SLC26A5: variants seen among roughly 807,000 people sequenced by gnomAD.
The protein encoded by SLC26A5 is prestin.
SLC26A5 carries 51 observed loss-of-function variants against 81.0 expected under a neutral mutation model. The ratio of observed to expected loss-of-function variants is 0.63; its 90% CI spans 0.50 to 0.80. The LOEUF (loss-of-function observed/expected upper bound fraction) is 0.80. Among genes scored for constraint, SLC26A5 ranks in the 30% least tolerant of loss-of-function variants. The pLI, the probability that SLC26A5 is intolerant of heterozygous loss-of-function variation, is 0.00. For missense variants in SLC26A5, 771 were observed against 905.8 expected (o/e 0.85, Z 1.91); for synonymous variants, 325 against 332.8 (o/e 0.98, Z 0.25).
chr7:103,422,857 A>G (rs1431307931), intron 2 of SLC26A5, among the ~76,000 whole-genome samples: 3 of 152,184 alleles, frequency 2.0e-5, no homozygotes, highest in African/African-American at 7.2e-5. Flanking sequence ...ACATGAATGC[A>G]TGGTTAAGTG....
chr7:103,361,128 GA>G (rs367989398), intron 19 of SLC26A5, among the ~76,000 whole-genome samples: 6 of 144,544 alleles, frequency 4.2e-5, no homozygotes, highest in Non-Finnish European at 6.1e-5. Context: ...AAAAGAAAAA[GA>G]AAAAAAAACA....
At chr7:103,378,353 C>T in intron 17 of SLC26A5, 93 bp downstream of exon 17, 1 of 1,258,348 alleles carries the variant, frequency 7.9e-7, no homozygotes, top group Non-Finnish European at 1.2e-6. Context: ...CTTTTAGTAA[C>T]TTCGTGCTGT....
At chr7:103,398,962 G>A (rs1823367534) in intron 8 of SLC26A5, among the ~76,000 whole-genome samples, 2 of 152,056 alleles carry the variant, frequency 1.3e-5, no homozygotes, top group African/African-American at 4.8e-5. Context: ...AGTGCCTAGA[G>A]TATTCAAATC....
Position 103,380,511 on chromosome 7 carries a change from T to C in SLC26A5, c.1553A>G (p.Asp518Gly), listed in dbSNP as rs1406025318. 6.2e-7 allele frequency: 1 copy of C among 1,613,640 alleles called. No individual in the cohort carries two copies. Among genetic ancestry groups the C allele is most frequent in the African/African-American group, 1.3e-5 (1 of 74,868 alleles). ...YKVLGKLPETDVYIDIDAYEE... is the reference protein window; with the variant it reads ...YKVLGKLPETGVYIDIDAYEE... ...ATATGCGTCTATATCAATATACACA[T>C]CAGTTTCAGGAAGCTTTCCAAGGAC... is the stretch of plus-strand genomic sequence containing the variant. The change falls in exon 15 of 20, where the codon GAT becomes GGT. Residue 518 changes from aspartate to glycine, a missense_variant. By Grantham distance (94) the Asp-to-Gly change is moderately conservative. Coordinates refer to ENST00000306312, the MANE Select transcript of SLC26A5 (RefSeq NM_198999.3).
At chr7:103,362,646 T>G (rs1563493201) in intron 19 of SLC26A5, 1 of 1,546,600 alleles carries the variant, frequency 6.5e-7, no homozygotes, top group South Asian at 1.1e-5. Context: ...CTTTGAAAGC[T>G]TAAAGAATGT....
intron 19 of SLC26A5, chr7:103,365,949 A>C: frequency 1.4e-6 from 1 of 735,768 alleles, no homozygotes; most frequent in Non-Finnish European, 2.2e-6. Flanking sequence ...AAAATAAAAA[A>C]CGTTTAGGTA....
Position 103,374,235 on chromosome 7 carries a change from A to C in SLC26A5, c.*164T>G. ...ATCTTTGAAGTATTCAATTAAAAAA[A>C]CACAAGTACAATACATCTTGCTAGG... On this transcript the variant is annotated 3_prime_UTR_variant, in exon 20 of 20. Transcript: ENST00000306312. 1 of 1,414,882 alleles carries C rather than the reference A, an allele frequency of 7.1e-7. No homozygotes were observed. The highest frequency in any genetic ancestry group is 9.2e-7 in the Non-Finnish European group (1 of 1,089,196). The allele number at this position is 1,414,882 out of a possible 1,614,324, so 87.6% of individuals were successfully genotyped here.
intron 2 of SLC26A5, among the ~76,000 whole-genome samples, chr7:103,436,488 T>C (rs551542511): frequency 1.3e-5 from 2 of 152,132 alleles, no homozygotes; most frequent in African/African-American, 2.4e-5. Context: ...CCACTGATAG[T>C]TGAAACCCAA....
intron 8 of SLC26A5, among the ~76,000 whole-genome samples, chr7:103,404,653 T>C (rs1219274454): frequency 6.6e-6 from 1 of 152,182 alleles, no homozygotes; most frequent in Non-Finnish European, 1.5e-5. Flanking sequence ...CTGATGATTA[T>C]GTGTCTTGGG....
At chr7:103,385,177 G>T (rs1185887969) in intron 14 of SLC26A5, among the ~76,000 whole-genome samples, 2 of 151,968 alleles carry the variant, frequency 1.3e-5, no homozygotes, top group African/African-American at 2.4e-5. Context: ...TGTTGTTGTT[G>T]TTGAGACAGA....
At position 103,426,302 on chromosome 7, in the gene SLC26A5, C is replaced by A. The variant is rs542824609; in HGVS notation, c.-53-4735G>T. ...GAGCAAATCTCAAACAAATTTAGAT[C>A]TCAAAACATAAGATGGATTTTCTAA... On this transcript the variant is annotated intron_variant, in intron 2 of 19. Transcript: ENST00000306312. Among the ~76,000 whole-genome samples, 4 of 152,222 alleles carry A rather than the reference C, an allele frequency of 2.6e-5. No individual in the cohort carries two copies. The South Asian group carries it at 6.2e-4, about 24-fold the overall frequency.
rs144649164 is a variant in SLC26A5 at position 103,385,103 on chromosome 7, C to G, written c.1514+3905G>C. Among the ~76,000 whole-genome samples, 1,026 of 152,268 alleles carry G rather than the reference C, an allele frequency of 6.7e-3. 18 individuals carry two copies. The highest frequency in any genetic ancestry group is 0.023 in the African/African-American group (944 of 41,552). The stretch of plus-strand genomic sequence containing the variant: ...AGCTGAACCTCTGTCATATTTATAA[C>G]ACATGCAAGTGCCTGAATTCAGGAA... On this transcript the variant is annotated intron_variant, in intron 14 of 19. Coordinates refer to ENST00000306312, the MANE Select transcript of SLC26A5 (RefSeq NM_198999.3).
intron 9 of SLC26A5, among the ~76,000 whole-genome samples, chr7:103,393,698 T>C (rs1405876532): frequency 2.0e-5 from 3 of 151,948 alleles, no homozygotes; most frequent in South Asian, 2.1e-4. Flanking sequence ...GAGATAAAAG[T>C]GTGACTCCTG....
At chr7:103,401,508 A>G (rs1166244958) in intron 8 of SLC26A5, among the ~76,000 whole-genome samples, 2 of 152,208 alleles carry the variant, frequency 1.3e-5, no homozygotes, top group African/African-American at 4.8e-5. Context: ...TCACCTGCAA[A>G]CAGACAATTT....
At chr7:103,416,140 G>T (rs377387529) in intron 4 of SLC26A5, among the ~76,000 whole-genome samples, 1 of 152,076 alleles carries the variant, frequency 6.6e-6, no homozygotes, top group Non-Finnish European at 1.5e-5. Context: ...ATGTGTTTTT[G>T]TATCTCTTTT....
At chr7:103,422,300 G>A (rs1209404666) in intron 2 of SLC26A5, among the ~76,000 whole-genome samples, 1 of 152,104 alleles carries the variant, frequency 6.6e-6, no homozygotes, top group Non-Finnish European at 1.5e-5. Flanking sequence ...ACAGTGAAAA[G>A]TACTTGTATG....
chr7:103,380,374 A>T (rs755790169), intron 15 of SLC26A5, 106 bp downstream of exon 15: 5 of 871,826 alleles, frequency 5.7e-6, no homozygotes, highest in Non-Finnish European at 7.7e-6. Context: ...CACTTTGACC[A>T]CTATACCTCC....
At chr7:103,445,900 G>A (rs1827273120) in intron 1 of SLC26A5, 198 bp downstream of exon 1, 1 of 152,724 alleles carries the variant, frequency 6.5e-6, no homozygotes, top group African/African-American at 2.4e-5. Context: ...CTCCTTCCCG[G>A]CGTAGGGACC....
In SLC26A5 at chr7:103,388,520, T is replaced by G. The variant is rs184604608; in HGVS notation, c.1514+488A>C. 5.1e-4 allele frequency: 125 copies of G among 246,376 alleles called. 1 individual carries two copies. The highest frequency in any genetic ancestry group is 2.5e-3 in the African/African-American group (114 of 44,968). The allele number at this position is 246,376 out of a possible 1,614,324, so 15.3% of individuals were successfully genotyped here. On this transcript the variant is annotated intron_variant, in intron 14 of 19. Transcript: ENST00000306312. ...CCAACCATATATTTTTTTAATTTAT[T>G]TTATACTTTCCCTAGTGGGCTCAGC...
Sources: gnomAD v4.1 joint callset for allele counts (sites outside exome capture counted in the v4.1 genomes callset) on GRCh38, gnomAD v4.1.1 for gene constraint, MANE v1.5 for transcripts, NCBI Gene and HGNC (gene_info 2026-07-23, HGNC 2026-07-21) for gene names.